The following MNAT1 variants were observed in gnomAD, a reference collection of about 807,000 sequenced individuals.
The protein encoded by MNAT1 is CDK-activating kinase assembly factor MAT1.
MNAT1 carries 43 observed loss-of-function variants against 42.0 expected under a neutral mutation model. That is an observed-to-expected ratio of 1.02 (90% confidence interval 0.80 to 1.32). MNAT1 has a LOEUF of 1.32. Ranked by LOEUF, MNAT1 falls within the 40% of genes most tolerant of loss-of-function variation. The pLI is 0.00. For synonymous variants in MNAT1, 118 were observed against 120.0 expected (o/e 0.98, Z 0.11); for missense variants, 306 against 350.4 (o/e 0.87, Z 1.01).
At chr14:60,946,527 T>G (rs968495225) in intron 7 of MNAT1, among the ~76,000 whole-genome samples, 2 of 152,012 alleles carry the variant, frequency 1.3e-5, no homozygotes, top group African/African-American at 4.8e-5. Context: ...TTTGTTTTTG[T>G]TTTTGTTTTT....
chr14:60,931,643 C>T (rs907514300), intron 7 of MNAT1, among the ~76,000 whole-genome samples: 1 of 152,070 alleles, frequency 6.6e-6, no homozygotes, highest in Admixed American at 6.6e-5. Flanking sequence ...TCTGTAGATA[C>T]ATATCGTAGA....
At chr14:60,736,235 T>C (rs1896304029) in intron 1 of MNAT1, among the ~76,000 whole-genome samples, 1 of 152,008 alleles carries the variant, frequency 6.6e-6, no homozygotes, top group South Asian at 2.1e-4. Flanking sequence ...GAGATTTCGT[T>C]CAATTTCTCT....
intron 1 of MNAT1, among the ~76,000 whole-genome samples, chr14:60,764,320 T>C (rs1345756534): frequency 6.6e-6 from 1 of 152,130 alleles, no homozygotes; most frequent in Non-Finnish European, 1.5e-5. Context: ...GCCCTCTTTT[T>C]CTGGAAGATC....
intron 6 of MNAT1, among the ~76,000 whole-genome samples, chr14:60,853,934 T>C (rs890676304): frequency 1.3e-5 from 2 of 152,208 alleles, no homozygotes; most frequent in Admixed American, 1.3e-4. Flanking sequence ...GATGTGCTTT[T>C]GAATCTGTAT....
At chr14:60,867,088 T>C (rs901226473) in intron 6 of MNAT1, among the ~76,000 whole-genome samples, 3 of 152,094 alleles carry the variant, frequency 2.0e-5, no homozygotes, top group African/African-American at 7.2e-5. Flanking sequence ...AGAAACATTT[T>C]CAGAGACTTG....
chr14:60,779,591 T>A (rs772364942), intron 1 of MNAT1, among the ~76,000 whole-genome samples: 52 of 152,084 alleles, frequency 3.4e-4, no homozygotes, highest in Admixed American at 9.2e-4. Flanking sequence ...ATCAAGACCA[T>A]CCTGACCAAC....
rs141591192 is a variant in MNAT1, at chr14:60,838,300, G to A, written c.687+19453G>A. Among the ~76,000 whole-genome samples the A allele has an allele frequency of 4.8e-4, 73 of 151,692 alleles. 2 individuals carry two copies. The Middle Eastern group carries it at 0.024, about 49-fold the overall frequency. ...ACAGGAGGGCACCACCACACCTGGC[G>A]AATTTTTTTTTGTTTTTAGGAGAGA... On this transcript the variant is annotated intron_variant, in intron 6 of 7. Coordinates refer to ENST00000261245, the MANE Select transcript of MNAT1 (RefSeq NM_002431.4).
chr14:60,780,730 G>A (rs1251005722), intron 1 of MNAT1: 1 of 594,302 alleles, frequency 1.7e-6, no homozygotes, highest in African/African-American at 1.9e-5. Flanking sequence ...TTACTGAACT[G>A]TGTGTAATTG....
At chr14:60,875,063 G>A (rs957248158) in intron 6 of MNAT1, among the ~76,000 whole-genome samples, 1 of 152,018 alleles carries the variant, frequency 6.6e-6, no homozygotes, top group East Asian at 1.9e-4. Context: ...TTGTCTTATC[G>A]TACTTATGGC....
At chr14:60,786,562 A>G (rs1470606486) in intron 1 of MNAT1, among the ~76,000 whole-genome samples, 1 of 152,166 alleles carries the variant, frequency 6.6e-6, no homozygotes, top group African/African-American at 2.4e-5. Context: ...AAATTTGGAA[A>G]CTTTGAAATG....
In MNAT1 at chr14:60,818,810, C is replaced by T. The variant is rs750166194; in HGVS notation, c.650C>T (p.Pro217Leu). 20 of 1,612,794 alleles carry T rather than the reference C, an allele frequency of 1.2e-5. No individual in the cohort carries two copies. In the East Asian group the frequency reaches 2.0e-4, roughly 16 times the overall value. ...QLEMQLEKPK[P>L]VKPVTFSTGI... ...GAAATGCAACTTGAGAAACCCAAAC[C>T]TGTAAAACCAGTGACGTTTTCCACA... The change falls in exon 6 of 8, where the codon CCT (proline) becomes CTT (leucine). Residue 217 changes from proline to leucine, a missense_variant. Around this residue, in one of 3 missense-constraint regions of MNAT1, gnomAD observed 116 missense variants for 139.6 expected, o/e 0.83. Transcript: ENST00000261245.
intron 7 of MNAT1, among the ~76,000 whole-genome samples, chr14:60,939,447 G>A (rs2036087906): frequency 6.6e-6 from 1 of 152,078 alleles, no homozygotes; most frequent in Admixed American, 6.5e-5. Flanking sequence ...GTTCTCGTTG[G>A]TTTCAAAGAA....
chr14:60,838,339 T>C (rs762825372), intron 6 of MNAT1, among the ~76,000 whole-genome samples: 1 of 151,998 alleles, frequency 6.6e-6, no homozygotes, highest in East Asian at 1.9e-4. Context: ...GATCTCCTTA[T>C]GTTGCTCAGG....
chr14:60,801,007 C>T (rs552263802), intron 3 of MNAT1, among the ~76,000 whole-genome samples: 1 of 152,072 alleles, frequency 6.6e-6, no homozygotes, highest in East Asian at 1.9e-4. Flanking sequence ...TGTGATAAGT[C>T]TTATAAATAG....
chr14:60,827,584 A>G (rs1185269550), intron 6 of MNAT1, among the ~76,000 whole-genome samples: 1 of 152,174 alleles, frequency 6.6e-6, no homozygotes, highest in Non-Finnish European at 1.5e-5. Flanking sequence ...GTGCTTTACC[A>G]TTTTGCCAAA....
At position 60,842,137 on chromosome 14, in the gene MNAT1, G is replaced by A. The variant is rs75572539; in HGVS notation, c.687+23290G>A. On this transcript the variant is annotated intron_variant, in intron 6 of 7. Transcript: ENST00000261245. ...GTAATTAAAGTTTTATTGTAACATA[G>A]CCATTCTCATTCATTTACATATATT... Among the ~76,000 whole-genome samples the A allele has an allele frequency of 7.6e-3, 1,159 of 152,282 alleles. 15 individuals are homozygous for A. Among genetic ancestry groups the A allele is most frequent in the African/African-American group, 0.027 (1,109 of 41,552 alleles).
intron 7 of MNAT1, among the ~76,000 whole-genome samples, chr14:60,961,890 T>TA (rs2036601021): frequency 6.6e-6 from 1 of 152,298 alleles, no homozygotes; most frequent in East Asian, 1.9e-4. Context: ...GAATTTCTAG[T>TA]AAAAAATTAC....
At chr14:60,948,286 C>A (rs2036319579) in intron 7 of MNAT1, among the ~76,000 whole-genome samples, 1 of 152,022 alleles carries the variant, frequency 6.6e-6, no homozygotes, top group Non-Finnish European at 1.5e-5. Flanking sequence ...TAAAAATTAG[C>A]TGGGCATGGT....
chr14:60,883,967 T>A (rs2034607021), intron 7 of MNAT1, among the ~76,000 whole-genome samples: 1 of 151,624 alleles, frequency 6.6e-6, no homozygotes, highest in Non-Finnish European at 1.5e-5. Context: ...AGTTTTTTTG[T>A]GAAGTCTTTA....
Sources: gnomAD v4.1 joint callset for allele counts (sites outside exome capture counted in the v4.1 genomes callset) on GRCh38, gnomAD v4.1.1 for gene constraint, gnomAD v4.1.1 regional missense constraint, MANE v1.5 for transcripts, NCBI Gene and HGNC (gene_info 2026-07-23, HGNC 2026-07-21) for gene names.